Variants in GSE1 observed in about 807,000 individuals in gnomAD.
The protein encoded by GSE1 is Gse1 coiled-coil protein.
GSE1 carries 32 observed loss-of-function variants against 112.6 expected under a neutral mutation model. The ratio of observed to expected loss-of-function variants is 0.28; its 90% CI spans 0.21 to 0.38. GSE1 has a LOEUF of 0.38. GSE1 is among the 10% of genes least tolerant of loss of function. GSE1 has a pLI of 1.00. For missense variants in GSE1, 2,348 were observed against 1,699.2 expected (o/e 1.38, Z -6.71); for synonymous variants, 1,115 against 735.6 (o/e 1.52, Z -8.35).
intron 2 of GSE1, among the ~76,000 whole-genome samples, chr16:85,641,161 C>A (rs568643252): frequency 7.2e-5 from 11 of 152,362 alleles, no homozygotes; most frequent in Middle Eastern, 3.4e-3. Flanking sequence ...CTCCCTGCAG[C>A]CCCTGTGCCC....
At chr16:85,188,832 AAC>A (rs576991412) in intron 1 of GSE1, among the ~76,000 whole-genome samples, 5 of 151,964 alleles carry the variant, frequency 3.3e-5, no homozygotes, top group Admixed American at 6.6e-5. Context: ...AAAACAAAAA[AAC>A]ACAGGAGTTT....
At chr16:85,639,848 C>A (rs375825242) in intron 2 of GSE1, among the ~76,000 whole-genome samples, 3 of 152,240 alleles carry the variant, frequency 2.0e-5, no homozygotes, top group African/African-American at 4.8e-5. Flanking sequence ...GGCAGCCTCC[C>A]GCAGGGACGC....
chr16:85,476,088 G>A (rs150545627), intron 2 of GSE1, among the ~76,000 whole-genome samples: 2 of 152,096 alleles, frequency 1.3e-5, no homozygotes, highest in African/African-American at 2.4e-5. Context: ...GTGCCACCAC[G>A]CCCAGCTAAT....
chr16:85,640,696 C>CGGA (rs2050370489), intron 2 of GSE1, among the ~76,000 whole-genome samples: 1 of 152,246 alleles, frequency 6.6e-6, no homozygotes, highest in African/African-American at 2.4e-5. Context: ...GAGAGGCTCC[C>CGGA]CCTTTCTGCC....
chr16:85,533,262 A>T (rs899841044), intron 2 of GSE1, among the ~76,000 whole-genome samples: 1 of 145,324 alleles, frequency 6.9e-6, no homozygotes, highest in Non-Finnish European at 1.5e-5. Context: ...AAAAAAAAAA[A>T]TACAAAAATT....
intron 1 of GSE1, among the ~76,000 whole-genome samples, chr16:85,622,301 C>T (rs1420802833): frequency 1.3e-5 from 2 of 152,158 alleles, no homozygotes; most frequent in Non-Finnish European, 2.9e-5. Flanking sequence ...TGTCTGGGCA[C>T]AGCACTTGGG....
intron 2 of GSE1, among the ~76,000 whole-genome samples, chr16:85,497,500 C>T (rs368222163): frequency 6.6e-5 from 10 of 152,272 alleles, no homozygotes; most frequent in Admixed American, 2.6e-4. Context: ...CACAGGGTCA[C>T]GGTTCCCTGA....
intron 1 of GSE1, among the ~76,000 whole-genome samples, chr16:85,340,076 G>A (rs1333431261): frequency 2.0e-5 from 3 of 151,654 alleles, no homozygotes; most frequent in Admixed American, 6.6e-5. Context: ...GTCGATAAAG[G>A]TGTATCCAGA....
rs1278190767 is a variant in GSE1 at position 85,171,291 on chromosome 16, C to G, written c.1767C>G (p.Pro589=). 7 of 985,464 alleles carry G rather than the reference C, an allele frequency of 7.1e-6. No individual in the cohort carries two copies. The South Asian group carries it at 1.4e-4, about 20-fold the overall frequency. The allele number at this position is 985,464 out of a possible 1,614,324, so 61.0% of individuals were successfully genotyped here. Residue 589 remains proline, a synonymous_variant, in exon 1 of 3, where the codon CCC becomes CCG. Coordinates refer to the GSE1 transcript ENST00000637419. Reference sequence around the variant, plus strand: ...TGCCGGCGTCGGCCCAGGGCGGCCCCGTGTCCATCTGCTACATCTGTGGGG... The same window carrying G: ...TGCCGGCGTCGGCCCAGGGCGGCCCGGTGTCCATCTGCTACATCTGTGGGG...
chr16:85,455,399 G>C (rs929739260), intron 2 of GSE1, among the ~76,000 whole-genome samples: 3 of 144,618 alleles, frequency 2.1e-5, no homozygotes, highest in African/African-American at 8.7e-5. Flanking sequence ...GAGAGAGAGA[G>C]AGAGAAAGAA....
chr16:85,403,773 G>C (rs2048175299), intron 2 of GSE1, among the ~76,000 whole-genome samples: 1 of 152,166 alleles, frequency 6.6e-6, no homozygotes, highest in South Asian at 2.1e-4. Flanking sequence ...CTGCACTCCA[G>C]TCCTGGTGAC....
chr16:85,426,043 ATGG>A (rs1567476986), intron 2 of GSE1, among the ~76,000 whole-genome samples: 7 of 120,470 alleles, frequency 5.8e-5, no homozygotes, highest in Non-Finnish European at 1.1e-4. Context: ...GGATGGATGG[ATGG>A]ATGGATGGAT....
intron 1 of GSE1, among the ~76,000 whole-genome samples, chr16:85,298,836 T>C (rs963356594): frequency 6.6e-6 from 1 of 152,210 alleles, no homozygotes; most frequent in African/African-American, 2.4e-5. Context: ...CCGCTGCAGA[T>C]GGGCTAGAAC....
intron 2 of GSE1, among the ~76,000 whole-genome samples, chr16:85,537,523 C>T (rs1489549057): frequency 6.6e-6 from 1 of 152,214 alleles, no homozygotes; most frequent in Non-Finnish European, 1.5e-5. Flanking sequence ...TCAGCCAGGG[C>T]TCGAGTTCTG....
chr16:85,267,804 A>G (rs2144153116), intron 1 of GSE1, among the ~76,000 whole-genome samples: 1 of 152,280 alleles, frequency 6.6e-6, no homozygotes, highest in South Asian at 2.1e-4. Context: ...ATATGCTCTT[A>G]CTGTATAGGA....
upstream of GSE1, chr16:85,613,305 C>T (rs1267464264): frequency 1.9e-6 from 3 of 1,545,654 alleles, no homozygotes; most frequent in Non-Finnish European, 2.6e-6. Context: ...CGCCGAGCAG[C>T]CCCGGGTGAG....
chr16:85,613,569 A>AGG (rs1471609649), intron 1 of GSE1, among the ~76,000 whole-genome samples, 171 bp downstream of exon 1: 2 of 149,866 alleles, frequency 1.3e-5, no homozygotes, highest in Non-Finnish European at 3.0e-5. Flanking sequence ...ACCAAAGGCC[A>AGG]CCCCCTTCCT....
chr16:85,607,336 G>A (rs538762231), upstream of GSE1, among the ~76,000 whole-genome samples: 27 of 152,326 alleles, frequency 1.8e-4, 1 homozygote, highest in African/African-American at 5.3e-4. Flanking sequence ...CAGCCCCGAC[G>A]CACACGGCTT....
intron 1 of GSE1, among the ~76,000 whole-genome samples, chr16:85,320,982 GTC>G (rs2046095291): frequency 6.6e-6 from 1 of 152,136 alleles, no homozygotes; most frequent in South Asian, 2.1e-4. Flanking sequence ...CGTCACTCCA[GTC>G]TTATTTAGCG....
Sources: allele counts gnomAD v4.1 joint callset (sites outside exome capture counted in the v4.1 genomes callset), GRCh38; gene constraint gnomAD v4.1.1; transcripts MANE v1.5; gene names NCBI Gene and HGNC (gene_info 2026-07-23, HGNC 2026-07-21).